Variants in RFX2 observed in about 807,000 individuals in gnomAD.
RFX2 encodes the protein DNA-binding protein RFX2.
RFX2 carries 20 observed loss-of-function variants against 87.8 expected under a neutral mutation model. That is an observed-to-expected ratio of 0.23 (90% confidence interval 0.16 to 0.33). The LOEUF is 0.33. Among genes scored for constraint, RFX2 ranks in the 10% least tolerant of loss-of-function variants. RFX2 has a pLI of 1.00. For missense variants in RFX2, 767 were observed against 1,012.3 expected (o/e 0.76, Z 3.29); for synonymous variants, 397 against 431.3 (o/e 0.92, Z 0.98).
At chr19:6,030,530 A>G (rs1316849457) in intron 5 of RFX2, among the ~76,000 whole-genome samples, 1 of 152,230 alleles carries the variant, frequency 6.6e-6, no homozygotes, top group Non-Finnish European at 1.5e-5. Flanking sequence ...TTCCTTTTAC[A>G]TAAAATATGT....
At chr19:6,106,698 G>T (rs1414712808) in intron 1 of RFX2, among the ~76,000 whole-genome samples, 1 of 151,846 alleles carries the variant, frequency 6.6e-6, no homozygotes, top group Non-Finnish European at 1.5e-5. Context: ...ACTTCCCTTG[G>T]TTTTTCAAAA....
At chr19:6,082,606 T>C (rs1292882183) in intron 1 of RFX2, among the ~76,000 whole-genome samples, 3 of 152,132 alleles carry the variant, frequency 2.0e-5, no homozygotes, top group Non-Finnish European at 2.9e-5. Context: ...CTAGTTTTTG[T>C]ATTTTTTGTA....
rs200826089 is a variant in RFX2, at chr19:5,995,592, C to G, written c.2056+9G>C. The G allele has an allele frequency of 6.4e-7, 1 of 1,551,928 alleles. No homozygotes were observed. The highest frequency in any genetic ancestry group is 1.4e-5 in the African/African-American group (1 of 73,194). ...AGGGTCGTGGTGGGAAAGCCGCAGA[C>G]GCACCTACCTTTGTCGAGCAGCGTC... On this transcript the variant is annotated intron_variant, in intron 17 of 17. Coordinates refer to ENST00000303657, the MANE Select transcript of RFX2 (RefSeq NM_000635.4).
intron 15 of RFX2, among the ~76,000 whole-genome samples, chr19:6,000,686 G>A (rs1056070108): frequency 2.0e-5 from 3 of 152,226 alleles, no homozygotes; most frequent in East Asian, 1.9e-4. Context: ...TTGGCCTTCC[G>A]CCATGCTTGT....
rs1319022824 is a variant in RFX2 at position 5,994,843 on chromosome 19, C to T, written c.2164G>A (p.Gly722Ser). The change falls in exon 18 of 18, where the codon GGC becomes AGC. Residue 722 changes from glycine (G) to serine (S), a missense_variant. Around this residue, in one of 2 missense-constraint regions of RFX2, gnomAD observed 621 missense variants for 873.0 expected, o/e 0.71. Transcript: ENST00000303657. ...GGCGCCGGCCGGGGCTGCTAGATGCCCTGCAGGGAGTGGTTGGGGTCACTG... is the reference window on the plus strand; with the variant it reads ...GGCGCCGGCCGGGGCTGCTAGATGCTCTGCAGGGAGTGGTTGGGGTCACTG... ...ERSDPNHSLQ[G>S]I 2 of 1,608,166 alleles carry T rather than the reference C, an allele frequency of 1.2e-6. No individual in the cohort carries two copies. The highest frequency in any genetic ancestry group is 1.1e-5 in the South Asian group (1 of 91,014).
intron 1 of RFX2, among the ~76,000 whole-genome samples, chr19:6,059,866 G>A (rs1330161533): frequency 6.6e-6 from 1 of 152,056 alleles, no homozygotes; most frequent in African/African-American, 2.4e-5. Context: ...CCACTCAGAA[G>A]ACACGTCATT....
At chr19:6,035,859 G>GTA (rs1283742310) in intron 5 of RFX2, among the ~76,000 whole-genome samples, 1 of 148,890 alleles carries the variant, frequency 6.7e-6, no homozygotes, top group African/African-American at 2.4e-5. Flanking sequence ...GGGTGTGTGT[G>GTA]TGTGTGTGTG....
At chr19:6,088,289 G>C (rs752803400) in intron 1 of RFX2, among the ~76,000 whole-genome samples, 1 of 144,166 alleles carries the variant, frequency 6.9e-6, no homozygotes, top group Non-Finnish European at 1.5e-5. Flanking sequence ...GCGTGATCTC[G>C]GCTCACTGCA....
chr19:6,096,474 T>C (rs1404945168), intron 1 of RFX2, among the ~76,000 whole-genome samples: 2 of 152,080 alleles, frequency 1.3e-5, no homozygotes, highest in Non-Finnish European at 2.9e-5. Context: ...TGAGATGGAG[T>C]CTTGCTCTGT....
intron 1 of RFX2, among the ~76,000 whole-genome samples, chr19:6,092,389 C>T (rs2087948287): frequency 6.6e-6 from 1 of 152,098 alleles, no homozygotes; most frequent in Non-Finnish European, 1.5e-5. Flanking sequence ...GCCCCGCAGG[C>T]TGCATGCTGG....
intron 1 of RFX2, among the ~76,000 whole-genome samples, chr19:6,093,780 C>T (rs2087980334): frequency 6.6e-6 from 1 of 151,712 alleles, no homozygotes; most frequent in South Asian, 2.1e-4. Flanking sequence ...GAATGAAGCA[C>T]CAACACGTGG....
At chr19:6,041,954 G>A in intron 4 of RFX2, 90 bp downstream of exon 4, 1 of 950,092 alleles carries the variant, frequency 1.1e-6, no homozygotes, top group Non-Finnish European at 1.7e-6. Context: ...AAAAGCATAA[G>A]GGAGAGGAAT....
chr19:6,015,459 A>G (rs1351637826), intron 7 of RFX2, among the ~76,000 whole-genome samples: 1 of 151,518 alleles, frequency 6.6e-6, no homozygotes, highest in East Asian at 2.0e-4. Context: ...TGGTAAATCC[A>G]GCTCTGCTGG....
chr19:6,002,576 T>C lies in RFX2; in HGVS notation c.1650+145A>G. The C allele has an allele frequency of 1.0e-6, 1 of 979,834 alleles. No individual in the cohort carries two copies. Among genetic ancestry groups the C allele is most frequent in the Non-Finnish European group, 1.5e-6 (1 of 659,738 alleles). The allele number at this position is 979,834 out of a possible 1,614,324, so 60.7% of individuals were successfully genotyped here. On this transcript the variant is annotated intron_variant, in intron 14 of 17. Coordinates refer to ENST00000303657, the MANE Select transcript of RFX2 (RefSeq NM_000635.4). The surrounding 1 kb of genome is among the most constrained non-coding windows in gnomAD (Gnocchi z 6.7). ...AGAGCTGGGGGCTGTGGGTGGGCTTTGGCCTGGGACCCGTGTCATGCAACA... is the reference window on the plus strand; with the variant it reads ...AGAGCTGGGGGCTGTGGGTGGGCTTCGGCCTGGGACCCGTGTCATGCAACA...
rs1366767172 is a variant in RFX2 at position 6,021,052 on chromosome 19, G to A, written c.598-4781C>T. On this transcript the variant is annotated intron_variant, in intron 6 of 17. Coordinates refer to ENST00000303657, the MANE Select transcript of RFX2 (RefSeq NM_000635.4). The surrounding 1 kb of genome is among the most constrained non-coding windows in gnomAD (Gnocchi z 5.7). ...CCTCACCTGCCGGTGGGAAGGCAGG[G>A]ATCATGCCCACCTACCTGGCCCCCT... Among the ~76,000 whole-genome samples the A allele has an allele frequency of 6.6e-6, 1 of 152,196 alleles. No homozygotes were observed. The highest frequency in any genetic ancestry group is 1.9e-4 in the East Asian group (1 of 5,190).
rs145028979 is a variant in RFX2, at chr19:6,007,105, C to T, written c.1309G>A (p.Asp437Asn). ...CTCCTCATCCACCTGAGGATGGGGT[C>T]GCACTGACACAGGGAGATAAGCTTG... ...KDKLISLCQC[D>N]PILRWMRSCD... is the part of the protein sequence containing the mutation. The change falls in exon 12 of 18, where the codon GAC (aspartate) becomes AAC (asparagine). Residue 437 changes from aspartate to asparagine, a missense_variant. Around this residue, in one of 2 missense-constraint regions of RFX2, gnomAD observed 621 missense variants for 873.0 expected, o/e 0.71. Coordinates refer to ENST00000303657, the MANE Select transcript of RFX2 (RefSeq NM_000635.4). The surrounding 1 kb of genome is among the most constrained non-coding windows in gnomAD (Gnocchi z 8.2). The T allele has an allele frequency of 3.5e-5, 57 of 1,614,072 alleles. No homozygotes were observed. The highest frequency in any genetic ancestry group is 1.6e-4 in the African/African-American group (12 of 75,016).
At chr19:6,042,257 G>A (rs1356016901) in intron 3 of RFX2, 134 bp from the exon 4 acceptor site, 14 of 755,756 alleles carry the variant, frequency 1.9e-5, no homozygotes, top group African/African-American at 1.4e-4. Context: ...GCCCACAGTC[G>A]GCACGCCTAG....
rs2086595294 is a variant in RFX2 at position 6,007,208 on chromosome 19, G to C, written c.1248-42C>G. The C allele has an allele frequency of 6.3e-7, 1 of 1,595,150 alleles. No individual in the cohort carries two copies. The highest frequency in any genetic ancestry group is 8.6e-7 in the Non-Finnish European group (1 of 1,167,770). On this transcript the variant is annotated intron_variant, in intron 11 of 17. Coordinates refer to ENST00000303657, the MANE Select transcript of RFX2 (RefSeq NM_000635.4). The surrounding 1 kb of genome is among the most constrained non-coding windows in gnomAD (Gnocchi z 8.2). ...GACAGGTGAGCTGTGGCCTGGCCCA[G>C]GTGGGCTCACTCAGCCACGGGAGCG...
chr19:6,042,406 C>G (rs1186673860), intron 3 of RFX2, among the ~76,000 whole-genome samples: 1 of 152,218 alleles, frequency 6.6e-6, no homozygotes, highest in African/African-American at 2.4e-5. Flanking sequence ...GGGGCGGGAC[C>G]AGGAGAATGA....
Sources: gnomAD v4.1 joint callset for allele counts (sites outside exome capture counted in the v4.1 genomes callset) on GRCh38, gnomAD v4.1.1 for gene constraint, gnomAD v4.1.1 regional missense constraint, Gnocchi (gnomAD v3.1) non-coding constraint, MANE v1.5 for transcripts, NCBI Gene and HGNC (gene_info 2026-07-23, HGNC 2026-07-21) for gene names.